Variants in NCOA7 observed in about 807,000 individuals in gnomAD.
The protein encoded by NCOA7 is 140 kDa estrogen receptor-associated protein.
Under a neutral mutation model 104.3 loss-of-function variants are expected in NCOA7, and 45 were observed. The ratio of observed to expected loss-of-function variants is 0.43; its 90% CI spans 0.34 to 0.55. The LOEUF (loss-of-function observed/expected upper bound fraction) is 0.55, where lower values mean the gene tolerates loss of function less well. Ranked by LOEUF, NCOA7 falls within the 20% of genes least tolerant of loss-of-function variation. NCOA7 has a pLI of 0.02. For missense variants in NCOA7, 1,041 were observed against 1,119.7 expected (o/e 0.93, Z 1.00); for synonymous variants, 398 against 402.3 (o/e 0.99, Z 0.13).
At chr6:125,809,166 T>C (rs191297176) in intron 1 of NCOA7, among the ~76,000 whole-genome samples, 5 of 152,242 alleles carry the variant, frequency 3.3e-5, no homozygotes, top group African/African-American at 1.2e-4. Context: ...TGGGGGGTAT[T>C]ATCTGATTGC....
intron 1 of NCOA7, among the ~76,000 whole-genome samples, chr6:125,808,841 T>C (rs1390469533): frequency 6.6e-6 from 1 of 152,226 alleles, no homozygotes; most frequent in Non-Finnish European, 1.5e-5. Context: ...TGGGTCTTCA[T>C]TTAGAGTATG....
At position 125,927,648 on chromosome 6, in the gene NCOA7, G is replaced by A; in HGVS notation, c.2524-15G>A. 1 of 1,604,034 alleles carries A rather than the reference G, an allele frequency of 6.2e-7. No individual in the cohort carries two copies. The highest frequency in any genetic ancestry group is 8.5e-7 in the Non-Finnish European group (1 of 1,170,828). ...AGGTTTGAATGTAGGTAACATTTCT[G>A]TTTTCTTTTGACAGATTTTTGGAGC... On this transcript the variant is annotated splice_polypyrimidine_tract_variant and intron_variant, in intron 13 of 15. Transcript: ENST00000392477.
chr6:125,803,370 T>G (rs541690006), intron 1 of NCOA7, among the ~76,000 whole-genome samples: 1 of 152,330 alleles, frequency 6.6e-6, no homozygotes, highest in African/African-American at 2.4e-5. Context: ...GAAGTTTCTT[T>G]AGAGCACATT....
At chr6:125,852,503 T>A (rs2128617440) in intron 2 of NCOA7, among the ~76,000 whole-genome samples, 1 of 152,272 alleles carries the variant, frequency 6.6e-6, no homozygotes, top group Non-Finnish European at 1.5e-5. Context: ...CAGAAGAATT[T>A]TTACTAGGTT....
intron 1 of NCOA7, among the ~76,000 whole-genome samples, chr6:125,793,448 A>G (rs1227731818): frequency 6.6e-6 from 1 of 152,188 alleles, no homozygotes; most frequent in Non-Finnish European, 1.5e-5. Context: ...GTCAAATAAA[A>G]GCTCTAATCT....
chr6:125,791,260 C>G (rs935065746), intron 1 of NCOA7, among the ~76,000 whole-genome samples, 193 bp downstream of exon 1: 1 of 152,190 alleles, frequency 6.6e-6, no homozygotes, highest in Non-Finnish European at 1.5e-5. Flanking sequence ...CTCGGGAGGC[C>G]GAGCGGGGGC....
intron 2 of NCOA7, among the ~76,000 whole-genome samples, chr6:125,849,621 C>T (rs114680923): frequency 8.2e-4 from 124 of 152,078 alleles, no homozygotes; most frequent in African/African-American, 2.3e-3. Flanking sequence ...TATCATAAAA[C>T]GTAGTCCAGG....
chr6:125,798,642 G>A (rs1194482651), intron 1 of NCOA7, among the ~76,000 whole-genome samples: 2 of 152,206 alleles, frequency 1.3e-5, no homozygotes, highest in Non-Finnish European at 2.9e-5. Flanking sequence ...AACATAAACA[G>A]TATATACAAA....
intron 14 of NCOA7, among the ~76,000 whole-genome samples, 197 bp from the exon 15 acceptor site, chr6:125,927,977 G>C (rs1033701602): frequency 6.6e-6 from 1 of 152,234 alleles, no homozygotes; most frequent in African/African-American, 2.4e-5. Flanking sequence ...GAGCCACCAC[G>C]TGTCTGAAAG....
At chr6:125,849,415 T>A (rs1048797807) in intron 2 of NCOA7, among the ~76,000 whole-genome samples, 1 of 152,244 alleles carries the variant, frequency 6.6e-6, no homozygotes, top group Admixed American at 6.5e-5. Context: ...TCAAGCCACA[T>A]TGCCTCATTC....
At chr6:125,855,446 T>G in intron 3 of NCOA7, 1 of 496,258 alleles carries the variant, frequency 2.0e-6, no homozygotes, top group South Asian at 2.4e-5. Context: ...TTCCCAGCAT[T>G]TAGCACAGTG....
At chr6:125,909,938 T>A (rs191959819) in intron 10 of NCOA7, among the ~76,000 whole-genome samples, 3 of 152,286 alleles carry the variant, frequency 2.0e-5, no homozygotes, top group African/African-American at 7.2e-5. Flanking sequence ...AGATTGGGTA[T>A]TTTATTAAAT....
intron 10 of NCOA7, among the ~76,000 whole-genome samples, chr6:125,894,579 T>C (rs1176282170): frequency 6.6e-6 from 1 of 152,146 alleles, no homozygotes; most frequent in East Asian, 1.9e-4. Flanking sequence ...CAACGTGAAG[T>C]TTAAAGTTCA....
intron 3 of NCOA7, among the ~76,000 whole-genome samples, chr6:125,861,617 GT>G (rs1462911379): frequency 2.0e-5 from 3 of 152,158 alleles, no homozygotes; most frequent in Non-Finnish European, 2.9e-5. Flanking sequence ...GATGAAAATA[GT>G]TAGGCCTGTG....
intron 1 of NCOA7, among the ~76,000 whole-genome samples, chr6:125,802,951 T>C (rs1776045112): frequency 6.6e-6 from 1 of 152,248 alleles, no homozygotes; most frequent in African/African-American, 2.4e-5. Context: ...TCTTATGTCT[T>C]GTTCCCGAAC....
chr6:125,882,729 A>T, intron 7 of NCOA7, 178 bp downstream of exon 7: 1 of 648,484 alleles, frequency 1.5e-6, no homozygotes, highest in East Asian at 2.9e-5. Flanking sequence ...TACTGAGGTA[A>T]ATGTTGTCAC....
intron 2 of NCOA7, among the ~76,000 whole-genome samples, chr6:125,833,130 T>C (rs1364789479): frequency 6.6e-6 from 1 of 152,192 alleles, no homozygotes. Flanking sequence ...CACTAGAAAT[T>C]TGTGAATTTG....
rs138637781 is a variant in NCOA7, at chr6:125,824,221, A to G, written c.50+8817A>G. Among the ~76,000 whole-genome samples, 21 of 152,360 alleles carry G rather than the reference A, an allele frequency of 1.4e-4. No homozygotes were observed. The East Asian group carries it at 4.0e-3, about 29-fold the overall frequency. On this transcript the variant is annotated intron_variant, in intron 2 of 15. Transcript: ENST00000392477. The stretch of plus-strand genomic sequence containing the variant: ...AAACTAATTTCAACGAATAATCACA[A>G]GCATGTTTCTGTTTAACCTGAAATC...
chr6:125,868,188 A>C lies in NCOA7; in HGVS notation c.272-6701A>C, dbSNP rs146577451. ...TTAATTCGTCAAATGCTTTTTTAGCATGTATCAAAATGATCAGATTCTTTT... is the reference window on the plus strand; with the variant it reads ...TTAATTCGTCAAATGCTTTTTTAGCCTGTATCAAAATGATCAGATTCTTTT... On this transcript the variant is annotated intron_variant, in intron 3 of 15. Coordinates refer to ENST00000392477, the MANE Select transcript of NCOA7 (RefSeq NM_181782.5). Among the ~76,000 whole-genome samples the C allele has an allele frequency of 1.8e-4, 27 of 152,336 alleles. 2 individuals carry two copies. In the East Asian group the frequency reaches 5.2e-3, roughly 29 times the overall value.
Sources: allele counts gnomAD v4.1 joint callset (sites outside exome capture counted in the v4.1 genomes callset), GRCh38; gene constraint gnomAD v4.1.1; transcripts MANE v1.5; gene names NCBI Gene and HGNC (gene_info 2026-07-23, HGNC 2026-07-21).